Variants in PAPPA2 observed in about 807,000 individuals in gnomAD.
The protein encoded by PAPPA2 is pappalysin 2.
In PAPPA2, 86 loss-of-function variants were observed where a neutral mutation model predicts 176.4. The ratio of observed to expected loss-of-function variants is 0.49; its 90% CI spans 0.41 to 0.58. PAPPA2 has a LOEUF of 0.58. Among genes scored for constraint, PAPPA2 ranks in the 20% least tolerant of loss-of-function variants. The probability of loss-of-function intolerance (pLI) is 0.00; values close to 1 mark genes in which losing one functional copy is unlikely to be tolerated. For missense variants in PAPPA2, 2,073 were observed against 2,256.9 expected, an observed-to-expected ratio of 0.92 and a Z score of 1.65; for synonymous variants, 809 against 852.2, an observed-to-expected ratio of 0.95 and a Z score of 0.88.
At chr1:176,681,748 A>G (rs1014518290) in intron 4 of PAPPA2, among the ~76,000 whole-genome samples, 1 of 152,160 alleles carries the variant, frequency 6.6e-6, no homozygotes, top group Non-Finnish European at 1.5e-5. Context: ...GCTCTTTTAA[A>G]AGGGAAAGAA....
chr1:176,816,163 T>C (rs1461515264), intron 21 of PAPPA2, among the ~76,000 whole-genome samples: 2 of 102,010 alleles, frequency 2.0e-5, no homozygotes, highest in African/African-American at 8.7e-5. Flanking sequence ...TATATATATA[T>C]ATATATATAT....
intron 1 of PAPPA2, among the ~76,000 whole-genome samples, chr1:176,547,382 A>G (rs1472485508): frequency 6.6e-6 from 1 of 152,162 alleles, no homozygotes; most frequent in Non-Finnish European, 1.5e-5. Flanking sequence ...TACTGTTCCC[A>G]ATAATTTGCT....
chr1:176,554,794 C>T (rs1477473873), intron 1 of PAPPA2, among the ~76,000 whole-genome samples: 1 of 152,156 alleles, frequency 6.6e-6, no homozygotes, highest in Non-Finnish European at 1.5e-5. Context: ...TTGATTTCTC[C>T]TTTCTCCCAT....
At chr1:176,494,415 A>C (rs1337877376) in intron 1 of PAPPA2, among the ~76,000 whole-genome samples, 1 of 152,186 alleles carries the variant, frequency 6.6e-6, no homozygotes, top group African/African-American at 2.4e-5. Context: ...TTAGTCATTT[A>C]ATTATATGGC....
In PAPPA2 at chr1:176,769,746, G is replaced by A. The variant is rs778485644; in HGVS notation, c.4463G>A (p.Arg1488His). The change falls in exon 16 of 23, where the codon CGC becomes CAC. Residue 1488 changes from arginine (R) to histidine (H), a missense_variant. Physicochemically the swap from Arg to His is conservative, Grantham distance 29. Coordinates refer to ENST00000367662, the MANE Select transcript of PAPPA2 (RefSeq NM_020318.3). ...SCSEGTKFLK[R>H]CSISCVPPAK... ...TCAGAGGGAACCAAATTTCTGAAAC[G>A]CTGCTCAATCTCTTGTGTCCCACCA... is the stretch of plus-strand genomic sequence containing the variant. 2.2e-5 allele frequency: 35 copies of A among 1,612,510 alleles called. No homozygotes were observed. The highest frequency in any genetic ancestry group is 2.5e-5 in the Non-Finnish European group (30 of 1,179,626).
intron 3 of PAPPA2, among the ~76,000 whole-genome samples, chr1:176,648,511 T>C (rs1033033530): frequency 1.3e-5 from 2 of 151,490 alleles, no homozygotes; most frequent in Non-Finnish European, 3.0e-5. Context: ...TTTCTTCTTC[T>C]AGATCTTAAA....
chr1:176,790,988 T>C (rs2102937992), intron 18 of PAPPA2, among the ~76,000 whole-genome samples: 1 of 152,260 alleles, frequency 6.6e-6, no homozygotes, highest in South Asian at 2.1e-4. Flanking sequence ...ATTTGTGTGA[T>C]AGTAGGGGAT....
chr1:176,668,717 C>T (rs1658807921), intron 3 of PAPPA2, among the ~76,000 whole-genome samples: 1 of 152,130 alleles, frequency 6.6e-6, no homozygotes, highest in South Asian at 2.1e-4. Context: ...TTGTTTCCAG[C>T]AAAATAAGGG....
At chr1:176,574,533 C>T (rs937554684) in intron 2 of PAPPA2, among the ~76,000 whole-genome samples, 1 of 152,166 alleles carries the variant, frequency 6.6e-6, no homozygotes, top group African/African-American at 2.4e-5. Flanking sequence ...TGGGCAGCTC[C>T]CTTTGGCTAT....
intron 4 of PAPPA2, among the ~76,000 whole-genome samples, chr1:176,672,134 G>A (rs911141077): frequency 6.6e-6 from 1 of 151,752 alleles, no homozygotes; most frequent in African/African-American, 2.4e-5. Context: ...TTATTATAAA[G>A]GGAAATCTTA....
intron 3 of PAPPA2, among the ~76,000 whole-genome samples, chr1:176,635,672 AATTCTTCCTGG>A (rs1656653935): frequency 6.6e-6 from 1 of 152,142 alleles, no homozygotes; most frequent in Non-Finnish European, 1.5e-5. Context: ...CTTGGAAATT[AATTCTTCCTGG>A]ATTTGTTCTT....
intron 14 of PAPPA2, among the ~76,000 whole-genome samples, chr1:176,741,794 C>T (rs1272862438): frequency 6.6e-6 from 1 of 152,120 alleles, no homozygotes; most frequent in Admixed American, 6.5e-5. Context: ...CAAATGCCTC[C>T]AAATATTAAC....
chr1:176,703,040 T>A (rs76602163), intron 9 of PAPPA2, among the ~76,000 whole-genome samples: 3,412 of 152,140 alleles, frequency 0.022, 97 homozygotes, highest in Non-Finnish European at 0.025. Flanking sequence ...TGGGGGCCCC[T>A]TTTATGGCCT....
chr1:176,597,658 A>G lies in PAPPA2; in HGVS notation c.1991+2063A>G, dbSNP rs578096172. ...TGTAACAAACCTGCACGTTCTGCAC[A>G]TGTATCCCAGAACTTAAAGTATAAT... On this transcript the variant is annotated intron_variant, in intron 3 of 22. Coordinates refer to ENST00000367662, the MANE Select transcript of PAPPA2 (RefSeq NM_020318.3). Among the ~76,000 whole-genome samples, 9 of 152,290 alleles carry G rather than the reference A, an allele frequency of 5.9e-5. 1 individual carries two copies. In the East Asian group the frequency reaches 1.5e-3, roughly 26 times the overall value.
intron 15 of PAPPA2, among the ~76,000 whole-genome samples, chr1:176,766,165 A>C (rs1204254774): frequency 6.6e-6 from 1 of 152,212 alleles, no homozygotes; most frequent in African/African-American, 2.4e-5. Flanking sequence ...TGTAATTTTC[A>C]GGAAAGACTG....
chr1:176,677,856 A>G (rs999415730), intron 4 of PAPPA2, among the ~76,000 whole-genome samples: 1 of 152,204 alleles, frequency 6.6e-6, no homozygotes, highest in African/African-American at 2.4e-5. Context: ...TGGCAATGCC[A>G]TAGATAGAAT....
chr1:176,713,686 C>T (rs529866922), intron 12 of PAPPA2, among the ~76,000 whole-genome samples: 1 of 152,076 alleles, frequency 6.6e-6, no homozygotes, highest in Non-Finnish European at 1.5e-5. Context: ...TCCCCCCAGG[C>T]CCAAAGACAA....
At chr1:176,607,967 A>T (rs966792584) in intron 3 of PAPPA2, among the ~76,000 whole-genome samples, 1 of 152,234 alleles carries the variant, frequency 6.6e-6, no homozygotes, top group Non-Finnish European at 1.5e-5. Flanking sequence ...ATGAACTTAC[A>T]TAAGTAATAA....
At chr1:176,771,571 C>T (rs1473325344) in intron 17 of PAPPA2, among the ~76,000 whole-genome samples, 2 of 152,142 alleles carry the variant, frequency 1.3e-5, no homozygotes, top group Admixed American at 6.5e-5. Context: ...CCTCAATTTT[C>T]TTTCTGTAAA....
Sources: allele counts gnomAD v4.1 joint callset (sites outside exome capture counted in the v4.1 genomes callset), GRCh38; gene constraint gnomAD v4.1.1; transcripts MANE v1.5; gene names NCBI Gene and HGNC (gene_info 2026-07-23, HGNC 2026-07-21).